The following SGSM1 variants were observed in gnomAD, a reference collection of about 807,000 sequenced individuals.
The protein encoded by SGSM1 is small G protein signaling modulator 1.
In SGSM1, 73 loss-of-function variants were observed where a neutral mutation model predicts 133.8. The observed-to-expected ratio is 0.55, with a 90% CI of 0.45 to 0.66. SGSM1 has a LOEUF of 0.66. Among genes scored for constraint, SGSM1 ranks in the 30% least tolerant of loss-of-function variants. The pLI, the probability that SGSM1 is intolerant of heterozygous loss-of-function variation, is 0.00. For synonymous variants in SGSM1, 563 were observed against 573.0 expected (o/e 0.98, Z 0.25); for missense variants, 1,213 against 1,448.1 (o/e 0.84, Z 2.64).
Position 24,859,990 on chromosome 22 carries a change from C to T in SGSM1, c.926+150C>T, listed in dbSNP as rs1931034205. The stretch of plus-strand genomic sequence containing the variant: ...TGTTAGGACCACTTGGCTCAGCCTC[C>T]CCGCAGCTGTGGCCTCCCAGGAAAC... On this transcript the variant is annotated intron_variant, in intron 9 of 24. Coordinates refer to ENST00000400358, the MANE Select transcript of SGSM1 (RefSeq NM_001098497.3). The T allele has an allele frequency of 6.2e-6, 7 of 1,133,228 alleles. 1 individual carries two copies. The highest frequency in any genetic ancestry group is 1.2e-6 in the Non-Finnish European group (1 of 800,966). The allele number at this position is 1,133,228 out of a possible 1,614,324, so 70.2% of individuals were successfully genotyped here.
rs766453029 is a variant in SGSM1 at position 24,893,496 on chromosome 22, C to T, written c.1836C>T (p.Ile612=). Residue 612 remains isoleucine, a synonymous_variant, in exon 17 of 25, where the codon ATC becomes ATT. Transcript: ENST00000400358. ...CTGAGTGGCTGGGCTGCGAGGCGAT[C>T]GTGCGGCAGAGGGAGCGGGAGTCCC... is the stretch of plus-strand genomic sequence containing the variant. ...TMAEWLGCEA[I]VRQRERESHA... is the part of the protein sequence containing the mutation. 20 of 1,613,684 alleles carry T rather than the reference C, an allele frequency of 1.2e-5. No homozygotes were observed. The highest frequency in any genetic ancestry group is 1.7e-4 in the Middle Eastern group (1 of 6,056).
intron 2 of SGSM1, among the ~76,000 whole-genome samples, chr22:24,810,281 C>G (rs770624309): frequency 6.6e-6 from 1 of 151,770 alleles, no homozygotes; most frequent in African/African-American, 2.4e-5. Flanking sequence ...ATTCAGCTGG[C>G]AAGATAAACC....
intron 12 of SGSM1, among the ~76,000 whole-genome samples, chr22:24,870,708 G>A (rs1931726947): frequency 6.6e-6 from 1 of 152,130 alleles, no homozygotes; most frequent in Non-Finnish European, 1.5e-5. Context: ...CCAGGGATGG[G>A]GCATATTGGA....
intron 2 of SGSM1, among the ~76,000 whole-genome samples, chr22:24,828,225 A>G (rs1928905084): frequency 6.6e-6 from 1 of 152,116 alleles, no homozygotes; most frequent in African/African-American, 2.4e-5. Flanking sequence ...CAGGCCATAC[A>G]GAGAGGCCTA....
chr22:24,825,725 G>T (rs185478834), intron 2 of SGSM1, among the ~76,000 whole-genome samples: 1 of 152,148 alleles, frequency 6.6e-6, no homozygotes, highest in Non-Finnish European at 1.5e-5. Context: ...GCACTGTGGC[G>T]GGCCTGAGAG....
chr22:24,924,606 T>C lies in SGSM1; in HGVS notation c.*332T>C. The C allele has an allele frequency of 2.8e-6, 1 of 351,650 alleles. No homozygotes were observed. Among genetic ancestry groups the C allele is most frequent in the Non-Finnish European group, 5.4e-6 (1 of 186,694 alleles). 21.8% of individuals were successfully genotyped at this position (351,650 alleles called of 1,614,324 possible). ...ATGGTCTCCTCTTCTTCTTTCCCTATCCCTCCAAACTGTCTTGTAAGATGA... is the reference window on the plus strand; with the variant it reads ...ATGGTCTCCTCTTCTTCTTTCCCTACCCCTCCAAACTGTCTTGTAAGATGA... On this transcript the variant is annotated 3_prime_UTR_variant, in exon 25 of 25. Transcript: ENST00000400358.
intron 2 of SGSM1, among the ~76,000 whole-genome samples, chr22:24,812,234 G>A (rs1051534303): frequency 3.9e-5 from 6 of 152,060 alleles, no homozygotes; most frequent in Non-Finnish European, 7.4e-5. Flanking sequence ...GTTTGCTGGG[G>A]GCTTCTGGCT....
rs1450154405 is a variant in SGSM1 at position 24,911,311 on chromosome 22, G to A, written c.2819-1332G>A. On this transcript the variant is annotated intron_variant, in intron 21 of 24. Transcript: ENST00000400358. ...CCACTTTTTTTTTTTTTTTTTTTGA[G>A]ATGGAGTTTCACTCTTGTTGCCCAG... is the stretch of plus-strand genomic sequence containing the variant. Among the ~76,000 whole-genome samples, 8 of 97,266 alleles carry A rather than the reference G, an allele frequency of 8.2e-5. No homozygotes were observed. In the South Asian group the frequency reaches 2.8e-3, roughly 35 times the overall value. 63.8% of individuals were successfully genotyped at this position (97,266 alleles called of 152,430 possible).
intron 23 of SGSM1, among the ~76,000 whole-genome samples, chr22:24,918,967 C>T (rs893979282): frequency 6.6e-6 from 1 of 151,470 alleles, no homozygotes; most frequent in Non-Finnish European, 1.5e-5. Context: ...TCTCAAACTC[C>T]TGACCTCAGG....
chr22:24,836,369 T>C (rs1368053093), intron 2 of SGSM1, among the ~76,000 whole-genome samples: 1 of 152,234 alleles, frequency 6.6e-6, no homozygotes, highest in African/African-American at 2.4e-5. Context: ...GACACTTGGG[T>C]TGTTTCCACC....
intron 18 of SGSM1, among the ~76,000 whole-genome samples, chr22:24,895,736 T>C (rs1932899025): frequency 6.6e-6 from 1 of 152,150 alleles, no homozygotes; most frequent in Non-Finnish European, 1.5e-5. Context: ...GATAACTCAA[T>C]CTCACTCCGT....
rs183148486 is a variant in SGSM1, at chr22:24,849,488, G to A, written c.303-792G>A. Among the ~76,000 whole-genome samples, 3 of 152,324 alleles carry A rather than the reference G, an allele frequency of 2.0e-5. No homozygotes were observed. In the East Asian group the frequency reaches 5.8e-4, roughly 29 times the overall value. On this transcript the variant is annotated intron_variant, in intron 4 of 24. Coordinates refer to ENST00000400358, the MANE Select transcript of SGSM1 (RefSeq NM_001098497.3). ...GAATCGCTTGAACCCAGGAGGCAGA[G>A]GTTGTGGTGAGCCGAATTGTGCCAT...
chr22:24,917,318 T>C (rs916906595), intron 22 of SGSM1, among the ~76,000 whole-genome samples: 1 of 152,224 alleles, frequency 6.6e-6, no homozygotes, highest in Non-Finnish European at 1.5e-5. Context: ...AGGAGCAGTG[T>C]ATGGGGGTTC....
chr22:24,829,608 G>C (rs1928993990), intron 2 of SGSM1, among the ~76,000 whole-genome samples: 1 of 152,176 alleles, frequency 6.6e-6, no homozygotes, highest in South Asian at 2.1e-4. Context: ...AGCTTCTGCT[G>C]TGAGGCAAGG....
At position 24,899,728 on chromosome 22, in the gene SGSM1, G is replaced by A. The variant is rs181573336; in HGVS notation, c.2610+1169G>A. Among the ~76,000 whole-genome samples, 9 of 151,964 alleles carry A rather than the reference G, an allele frequency of 5.9e-5. No individual in the cohort carries two copies. In the East Asian group the frequency reaches 7.8e-4, roughly 13 times the overall value. On this transcript the variant is annotated intron_variant, in intron 19 of 24. Transcript: ENST00000400358. ...AGTAGAGATAGGGTTTCACCGGGTT[G>A]GCCAGGATGGTCTCGATCTGCTGAC...
chr22:24,834,611 A>T (rs991027408), intron 2 of SGSM1, among the ~76,000 whole-genome samples: 1 of 152,188 alleles, frequency 6.6e-6, no homozygotes, highest in Non-Finnish European at 1.5e-5. Flanking sequence ...TGGAGATAGG[A>T]ATCAAAGATC....
At chr22:24,849,566 A>C (rs373992210) in intron 4 of SGSM1, among the ~76,000 whole-genome samples, 15 of 152,302 alleles carry the variant, frequency 9.8e-5, no homozygotes, top group African/African-American at 2.2e-4. Context: ...ACAACAACAA[A>C]AAAAATGAGT....
At chr22:24,836,093 A>G (rs1015871475) in intron 2 of SGSM1, among the ~76,000 whole-genome samples, 2 of 152,160 alleles carry the variant, frequency 1.3e-5, no homozygotes, top group African/African-American at 4.8e-5. Context: ...TACCCATTAA[A>G]TAATGCCTCC....
chr22:24,895,986 C>T (rs538678857), intron 18 of SGSM1, among the ~76,000 whole-genome samples: 4 of 152,246 alleles, frequency 2.6e-5, no homozygotes, highest in Admixed American at 6.5e-5. Flanking sequence ...GAGGTTGAGG[C>T]TGCAGTGAGC....
Sources: gnomAD v4.1 joint callset for allele counts (sites outside exome capture counted in the v4.1 genomes callset) on GRCh38, gnomAD v4.1.1 for gene constraint, MANE v1.5 for transcripts, NCBI Gene and HGNC (gene_info 2026-07-23, HGNC 2026-07-21) for gene names.